The following SLIT3 variants were observed in gnomAD, a reference collection of about 807,000 sequenced individuals.
SLIT3 encodes slit homolog 3 protein.
SLIT3 carries 68 observed loss-of-function variants against 184.0 expected under a neutral mutation model. The ratio of observed to expected loss-of-function variants is 0.37; its 90% CI spans 0.30 to 0.45. The LOEUF is 0.45. SLIT3 is among the 20% of genes least tolerant of loss of function. The pLI is 1.00. For synonymous variants in SLIT3, 831 were observed against 828.6 expected (o/e 1.00, Z -0.05); for missense variants, 1,707 against 2,026.0 (o/e 0.84, Z 3.02).
intron 5 of SLIT3, among the ~76,000 whole-genome samples, chr5:168,874,658 A>G (rs1581166899): frequency 6.6e-6 from 1 of 152,206 alleles, no homozygotes; most frequent in Admixed American, 6.5e-5. Context: ...CTTGTCACCA[A>G]TGCAACTTCC....
At chr5:168,798,223 C>CTTTTTTTTTTTTTTTTTTTTTTTTTTT (rs747746239) in intron 9 of SLIT3, among the ~76,000 whole-genome samples, 2 of 109,028 alleles carry the variant, frequency 1.8e-5, no homozygotes, top group African/African-American at 9.1e-5. Flanking sequence ...TCTTCTTCTT[C>CTTTTTTTTTTTTTTTTTTTTTTTTTTT]TTTTTTTTTT....
At chr5:169,070,620 C>T in intron 4 of SLIT3, among the ~76,000 whole-genome samples, 1 of 152,072 alleles carries the variant, frequency 6.6e-6, no homozygotes. Flanking sequence ...CTAATGTTTG[C>T]CAACTGGGAG....
At chr5:168,998,672 C>A (rs1458862283) in intron 4 of SLIT3, among the ~76,000 whole-genome samples, 1 of 150,066 alleles carries the variant, frequency 6.7e-6, no homozygotes, top group Non-Finnish European at 1.5e-5. Flanking sequence ...CCATTGCACT[C>A]CAGCCTGGGC....
intron 30 of SLIT3, 135 bp from the exon 31 acceptor site, chr5:168,686,062 C>T: frequency 2.0e-6 from 2 of 1,008,614 alleles, no homozygotes; most frequent in Non-Finnish European, 2.7e-6. Context: ...GGGGCTAGTT[C>T]CAGCCCTGCC....
chr5:169,153,971 C>CTTT (rs1177389865), intron 4 of SLIT3, among the ~76,000 whole-genome samples: 3 of 134,852 alleles, frequency 2.2e-5, no homozygotes, highest in African/African-American at 8.5e-5. Flanking sequence ...TGCTCCCAGC[C>CTTT]TTTTTTTTTT....
chr5:168,950,983 G>T (rs1303296564), intron 4 of SLIT3, among the ~76,000 whole-genome samples: 1 of 152,236 alleles, frequency 6.6e-6, no homozygotes, highest in Admixed American at 6.5e-5. Context: ...CACTTTGGGA[G>T]GCCAAGGCTG....
At chr5:168,978,012 C>T (rs1754826457) in intron 4 of SLIT3, among the ~76,000 whole-genome samples, 1 of 152,162 alleles carries the variant, frequency 6.6e-6, no homozygotes, top group Non-Finnish European at 1.5e-5. Flanking sequence ...AATCCAACCT[C>T]CCAGCCTGCA....
intron 32 of SLIT3, among the ~76,000 whole-genome samples, chr5:168,675,728 G>A (rs996277231): frequency 2.0e-5 from 3 of 152,254 alleles, no homozygotes; most frequent in East Asian, 3.9e-4. Flanking sequence ...ACAAAAGAGC[G>A]CTTTGTCAAT....
At chr5:168,976,719 T>C (rs1032025538) in intron 4 of SLIT3, among the ~76,000 whole-genome samples, 1 of 152,234 alleles carries the variant, frequency 6.6e-6, no homozygotes, top group Non-Finnish European at 1.5e-5. Context: ...GTAGTTTCAA[T>C]TATTAATTCC....
chr5:168,773,269 G>T (rs865897726), intron 13 of SLIT3, among the ~76,000 whole-genome samples: 13 of 152,314 alleles, frequency 8.5e-5, no homozygotes, highest in South Asian at 8.3e-4. Flanking sequence ...CCCAGTCATG[G>T]TTTGCACTTG....
At chr5:169,203,330 T>G (rs1763961496) in intron 3 of SLIT3, among the ~76,000 whole-genome samples, 1 of 149,926 alleles carries the variant, frequency 6.7e-6, no homozygotes, top group South Asian at 2.1e-4. Flanking sequence ...AAAGCACATA[T>G]TTATGCGTGC....
At chr5:168,807,155 GA>G (rs1336439430) in intron 8 of SLIT3, among the ~76,000 whole-genome samples, 2 of 152,004 alleles carry the variant, frequency 1.3e-5, no homozygotes, top group South Asian at 2.1e-4. Flanking sequence ...TATCTCGCCT[GA>G]AAAAAAGGTG....
chr5:169,184,550 G>C (rs759161713), intron 4 of SLIT3, among the ~76,000 whole-genome samples: 1 of 152,164 alleles, frequency 6.6e-6, no homozygotes, highest in Non-Finnish European at 1.5e-5. Flanking sequence ...ATATGAGATC[G>C]ATGTTTCTTA....
At chr5:169,004,738 C>G (rs949981565) in intron 4 of SLIT3, among the ~76,000 whole-genome samples, 1 of 151,926 alleles carries the variant, frequency 6.6e-6, no homozygotes, top group African/African-American at 2.4e-5. Context: ...TAGATGAGGT[C>G]ATGAAGATGG....
At position 168,830,521 on chromosome 5, in the gene SLIT3, C is replaced by T. The variant is rs190642130; in HGVS notation, c.558-7190G>A. 3.3e-5 allele frequency among the ~76,000 whole-genome samples: 5 copies of T among 152,294 alleles called. No homozygotes were observed. The East Asian group carries it at 7.7e-4, about 24-fold the overall frequency. On this transcript the variant is annotated intron_variant, in intron 6 of 35. Coordinates refer to ENST00000519560, the MANE Select transcript of SLIT3 (RefSeq NM_003062.4). ...AATGAGCTAGACTAGTCAAGGATAT[C>T]GCTTTGAAGCTTGCCAAAATCTTCC...
intron 1 of SLIT3, among the ~76,000 whole-genome samples, chr5:169,286,375 G>A (rs1201463411): frequency 6.6e-6 from 1 of 151,920 alleles, no homozygotes; most frequent in Non-Finnish European, 1.5e-5. Context: ...AATTATTTGA[G>A]CCTTAATCAA....
chr5:168,670,891 G>GTGCC (rs944463527), intron 34 of SLIT3, among the ~76,000 whole-genome samples: 4 of 152,168 alleles, frequency 2.6e-5, no homozygotes, highest in African/African-American at 9.7e-5. Flanking sequence ...GCCCATGTGG[G>GTGCC]TGCCTTTTTT....
chr5:168,833,916 G>T (rs1757959750), intron 6 of SLIT3, among the ~76,000 whole-genome samples: 1 of 152,118 alleles, frequency 6.6e-6, no homozygotes, highest in Non-Finnish European at 1.5e-5. Flanking sequence ...GGTTGTGCTG[G>T]CTCTAAAATA....
chr5:168,967,437 C>CTTTTTTTTTTTTTTTT lies in SLIT3; in HGVS notation c.414-84117_414-84102dup. Among the ~76,000 whole-genome samples, 13 of 32,736 alleles carry CTTTTTTTTTTTTTTTT rather than the reference C, an allele frequency of 4.0e-4. 3 individuals are homozygous for CTTTTTTTTTTTTTTTT. Among genetic ancestry groups the CTTTTTTTTTTTTTTTT allele is most frequent in the African/African-American group, 6.3e-4 (6 of 9,478 alleles). 21.5% of individuals were successfully genotyped at this position (32,736 alleles called of 152,430 possible). ...TTCCTCTGGCACTGCCATCTCAAAT[C>CTTTTTTTTTTTTTTTT]TTTTTTTTTTTTTTTTTTTTGAGAC... On this transcript the variant is annotated intron_variant, in intron 4 of 35. Transcript: ENST00000519560.
Sources: allele counts gnomAD v4.1 joint callset (sites outside exome capture counted in the v4.1 genomes callset), GRCh38; gene constraint gnomAD v4.1.1; transcripts MANE v1.5; gene names NCBI Gene and HGNC (gene_info 2026-07-23, HGNC 2026-07-21).